Variants in TTN observed in about 807,000 individuals in gnomAD.
TTN encodes titin.
TTN carries 1,525 observed loss-of-function variants against 3,223.0 expected under a neutral mutation model. The observed-to-expected ratio is 0.47, with a 90% CI of 0.45 to 0.49. The LOEUF (loss-of-function observed/expected upper bound fraction) is 0.49, where lower values mean the gene tolerates loss of function less well. TTN is among the 20% of genes least tolerant of loss of function. The probability of loss-of-function intolerance (pLI) is 0.00; values close to 1 mark genes in which losing one functional copy is unlikely to be tolerated. For synonymous variants in TTN, 14,094 were observed against 15,161.0 expected (o/e 0.93, Z 5.17); for missense variants, 40,786 against 43,424.0 (o/e 0.94, Z 5.40).
chr2:178,715,352 A>C, intron 89 of TTN, 88 bp from the exon 90 acceptor site: 1 of 1,505,750 alleles, frequency 6.6e-7, no homozygotes, highest in Non-Finnish European at 8.9e-7. Flanking sequence ...TCAGAGAGAT[A>C]GAGAGTGAAA....
chr2:178,639,835 T>G, intron 222 of TTN, 47 bp from the exon 223 acceptor site: 1 of 1,525,334 alleles, frequency 6.6e-7, no homozygotes, highest in Non-Finnish European at 8.8e-7. Flanking sequence ...TGTCACTTCC[T>G]AAAAACTTAT....
At chr2:178,622,849 G>A in intron 242 of TTN, 82 bp from the exon 243 acceptor site, 1 of 1,094,298 alleles carries the variant, frequency 9.1e-7, no homozygotes, top group Non-Finnish European at 1.3e-6. Flanking sequence ...TTAAGAAAAA[G>A]TGACTCTTTT....
rs1394331445 is a variant in TTN, at chr2:178,620,366, G to T, written c.46155C>A (p.Leu15385=). 6.2e-7 allele frequency: 1 copy of T among 1,610,202 alleles called. No homozygotes were observed. The highest frequency in any genetic ancestry group is 1.3e-5 in the African/African-American group (1 of 74,822). The change falls in exon 248 of 363, where the codon CTC becomes CTA. Residue 15385 remains leucine, a synonymous_variant. Transcript: ENST00000589042. The stretch of plus-strand genomic sequence containing the variant: ...CAAATTCTGTCGGGGCTTCTATGAT[G>T]AGAAGCTCAGCAACAGATTTATCTT... The part of the protein sequence containing the change: ...AGQDKSVAEL[L]IIEAPTEFVE...
At position 178,703,120 on chromosome 2, in the gene TTN, C is replaced by T. The variant is rs970650538; in HGVS notation, c.30224-457G>A. On this transcript the variant is annotated intron_variant, in intron 106 of 362. Coordinates refer to ENST00000589042, the MANE Select transcript of TTN (RefSeq NM_001267550.2). ...ACTTTTCCTGTAAAATAATTTCAAACGCAATCGGAAATCTGCACTTCTAAA... is the reference window on the plus strand; with the variant it reads ...ACTTTTCCTGTAAAATAATTTCAAATGCAATCGGAAATCTGCACTTCTAAA... 4.6e-5 allele frequency among the ~76,000 whole-genome samples: 7 copies of T among 152,170 alleles called. No individual in the cohort carries two copies. The Middle Eastern group carries it at 0.01, about 222-fold the overall frequency.
In TTN at chr2:178,588,883, G is replaced by A; in HGVS notation, c.62842C>T (p.Pro20948Ser). ...VRAENKIGTG[P>S]PTESKPVIAK... is the part of the protein sequence containing the mutation. ...ATGACTGGTTTACTTTCTGTTGGAG[G>A]CCCTGTGCCTATTTTATTTTCTGCA... is the stretch of plus-strand genomic sequence containing the variant. The change falls in exon 304 of 363, where the codon CCT becomes TCT. Residue 20948 changes from proline to serine, a missense_variant. Physicochemically the swap from Pro to Ser is moderately conservative, Grantham distance 74 (BLOSUM62 -1). Coordinates refer to ENST00000589042, the MANE Select transcript of TTN (RefSeq NM_001267550.2). 1 of 1,613,132 alleles carries A rather than the reference G, an allele frequency of 6.2e-7. No homozygotes were observed. Among genetic ancestry groups the A allele is most frequent in the South Asian group, 1.1e-5 (1 of 91,064 alleles).
In TTN at chr2:178,553,104, G is replaced by A. The variant is rs376478710; in HGVS notation, c.89796C>T (p.Asp29932=). The A allele has an allele frequency of 1.4e-5, 22 of 1,611,722 alleles. No individual in the cohort carries two copies. Among genetic ancestry groups the A allele is most frequent in the African/African-American group, 1.1e-4 (8 of 74,982 alleles). Residue 29932 remains aspartate (D), a synonymous_variant, in exon 335 of 363, where the codon GAC becomes GAT. Coordinates refer to ENST00000589042, the MANE Select transcript of TTN (RefSeq NM_001267550.2). ...GTAGTTTCTGGCAGGCAGCTGGTGTGTCAAGCACTTTAACACTCACAGTTG... is the reference window on the plus strand; with the variant it reads ...GTAGTTTCTGGCAGGCAGCTGGTGTATCAAGCACTTTAACACTCACAGTTG... ...KSSTVSVKVL[D]TPAACQKLQV... is the part of the protein sequence containing the mutation.
In TTN at chr2:178,538,419, TTTTC is replaced by T; in HGVS notation, c.99289+117_99289+120del. 3.1e-6 allele frequency: 3 copies of T among 977,002 alleles called. No homozygotes were observed. The South Asian group carries it at 5.9e-5, about 19-fold the overall frequency. The allele number at this position is 977,002 out of a possible 1,614,324, so 60.5% of individuals were successfully genotyped here. On this transcript the variant is annotated intron_variant, in intron 354 of 362. Transcript: ENST00000589042. ...TCATATTTCCTGTGTGTGTACTTGC[TTTTC>T]TTTCTTAACACTTGCTCTCCAATAA... is the stretch of plus-strand genomic sequence containing the variant.
rs879085292 is a variant in TTN, at chr2:178,738,132, G to A, written c.14321C>T (p.Ala4774Val). 3.7e-6 allele frequency: 6 copies of A among 1,613,846 alleles called. No homozygotes were observed. Among genetic ancestry groups the A allele is most frequent in the Non-Finnish European group, 5.1e-6 (6 of 1,179,784 alleles). The part of the protein sequence containing the change: ...VVDCGEYTCK[A>V]SNEYGSVSCT... ...GCTGACACTGCCATACTCATTGGAA[G>A]CTTTGCATGTATACTCGCCGCAGTC... Residue 4774 changes from alanine to valine, a missense_variant, in exon 49 of 363, where the codon GCT (alanine) becomes GTT (valine). Ala to Val is a moderately conservative substitution (Grantham distance 64). Coordinates refer to ENST00000589042, the MANE Select transcript of TTN (RefSeq NM_001267550.2).
rs757931902 is a variant in TTN at position 178,557,642 on chromosome 2, A to G, written c.87706+6T>C. 2 of 1,613,434 alleles carry G rather than the reference A, an allele frequency of 1.2e-6. No individual in the cohort carries two copies. Among genetic ancestry groups the G allele is most frequent in the South Asian group, 1.1e-5 (1 of 90,944 alleles). On this transcript the variant is annotated splice_donor_region_variant and intron_variant, in intron 328 of 362. Transcript: ENST00000589042. ...ACCTGGATCTTTGAAAAGTTGGACA[A>G]CTTACTGTATGGTAGTTTGACAGTC...
In TTN at chr2:178,571,250, G is replaced by A; in HGVS notation, c.74882C>T (p.Thr24961Ile). Reference sequence around the variant, plus strand: ...CTTAAACTTGGTTTGAGGAATAGGTGTTTTATTCAACTTAACCCAGAGGAT... The same window carrying A: ...CTTAAACTTGGTTTGAGGAATAGGTATTTTATTCAACTTAACCCAGAGGAT... The part of the protein sequence containing the change: ...NSILWVKLNK[T>I]PIPQTKFKTT... The change falls in exon 326 of 363, where the codon ACA (threonine) becomes ATA (isoleucine). Residue 24961 changes from threonine to isoleucine, a missense_variant. Coordinates refer to ENST00000589042, the MANE Select transcript of TTN (RefSeq NM_001267550.2). 6.2e-7 allele frequency: 1 copy of A among 1,613,526 alleles called. No individual in the cohort carries two copies. Among genetic ancestry groups the A allele is most frequent in the Non-Finnish European group, 8.5e-7 (1 of 1,179,632 alleles).
chr2:178,710,683 C>A lies in TTN; in HGVS notation c.28414G>T (p.Val9472Leu). The change falls in exon 98 of 363, where the codon GTG (valine) becomes TTG (leucine). Residue 9472 changes from valine to leucine, a missense_variant. Val to Leu is a conservative substitution (Grantham distance 32). Transcript: ENST00000589042. ...CAAGAGTCTTTTCCCACTTCATTCACAGCATAGCAGGTATATTGTCCAGAA... is the reference window on the plus strand; with the variant it reads ...CAAGAGTCTTTTCCCACTTCATTCAAAGCATAGCAGGTATATTGTCCAGAA... ...GDSGQYTCYA[V>L]NEVGKDSCTA... 6.2e-6 allele frequency: 10 copies of A among 1,613,276 alleles called. No individual in the cohort carries two copies. The highest frequency in any genetic ancestry group is 8.5e-6 in the Non-Finnish European group (10 of 1,179,786).
rs140494897 is a variant in TTN, at chr2:178,776,864, T to C, written c.5000A>G (p.Tyr1667Cys). Residue 1667 changes from tyrosine to cysteine, a missense_variant, in exon 28 of 363, where the codon TAT becomes TGT. By Grantham distance (194) the Tyr-to-Cys change is radical. Coordinates refer to ENST00000589042, the MANE Select transcript of TTN (RefSeq NM_001267550.2). The part of the protein sequence containing the change: ...ERKLIIPRGT[Y>C]RAKEIAAPEL... ...TGGGGCTGCAATCTCCTTTGCTCTA[T>C]ATGTCCCCCGTGGGATGATTAACTT... The C allele has an allele frequency of 3.7e-6, 6 of 1,613,648 alleles. No homozygotes were observed. Among genetic ancestry groups the C allele is most frequent in the Non-Finnish European group, 5.1e-6 (6 of 1,179,954 alleles).
At position 178,684,978 on chromosome 2, in the gene TTN, G is replaced by A. The variant is rs746685110; in HGVS notation, c.32482C>T (p.Pro10828Ser). The A allele has an allele frequency of 1.9e-5, 30 of 1,603,280 alleles. No individual in the cohort carries two copies. The highest frequency in any genetic ancestry group is 1.6e-4 in the Middle Eastern group (1 of 6,068). Reference protein sequence around the residue: ...EPPPAKVPEAPKKIVPEKKVP... With the variant: ...EPPPAKVPEASKKIVPEKKVP... ...TTCTTTTCTGGCACAATTTTCTTAG[G>A]TGCTTCAGGAACTTTAGAAAGATTA... The change falls in exon 130 of 363, where the codon CCT (proline) becomes TCT (serine). Residue 10828 changes from proline to serine, a missense_variant. Pro to Ser is a moderately conservative substitution (Grantham distance 74). Coordinates refer to ENST00000589042, the MANE Select transcript of TTN (RefSeq NM_001267550.2).
chr2:178,779,538 C>A, intron 22 of TTN, 76 bp from the exon 23 acceptor site: 1 of 1,022,202 alleles, frequency 9.8e-7, no homozygotes, highest in South Asian at 1.5e-5. Context: ...TGTATCTGAG[C>A]TAGACTGTTG....
rs561466528 is a variant in TTN, at chr2:178,626,226, A to G, written c.44425-830T>C. Among the ~76,000 whole-genome samples, 11 of 152,088 alleles carry G rather than the reference A, an allele frequency of 7.2e-5. No homozygotes were observed. In the South Asian group the frequency reaches 1.9e-3, roughly 26 times the overall value. The stretch of plus-strand genomic sequence containing the variant: ...TTTAGCAATTAAACTTATTTTGCAA[A>G]CCAATTAAACCTGTGATTAAATAAT... On this transcript the variant is annotated intron_variant, in intron 240 of 362. Transcript: ENST00000589042.
intron 242 of TTN, among the ~76,000 whole-genome samples, chr2:178,623,799 A>C (rs979660544): frequency 6.6e-5 from 10 of 151,972 alleles, no homozygotes; most frequent in Non-Finnish European, 1.2e-4. Context: ...GAATGAAACA[A>C]ATAAGCTAGT....
intron 47 of TTN, chr2:178,749,030 T>C: frequency 6.2e-7 from 1 of 1,612,706 alleles, no homozygotes; most frequent in Non-Finnish European, 8.5e-7. Flanking sequence ...AATTCTATGC[T>C]TCACCTTTTT....
At position 178,563,049 on chromosome 2, in the gene TTN, A is replaced by T; in HGVS notation, c.83083T>A (p.Leu27695Ile). ...GGTCGACCTTTGATAGTGACAAATA[A>T]GCGTAAAGTAGCACTTGCACGCAGA... ...VVLRASATLR[L>I]FVTIKGRPEP... Residue 27695 changes from leucine to isoleucine, a missense_variant, in exon 326 of 363, where the codon TTA becomes ATA. By Grantham distance (5) the Leu-to-Ile change is conservative (BLOSUM62 2). Transcript: ENST00000589042. This position sits in a 1 kb window ranked among gnomAD's most constrained non-coding sequence, Gnocchi z 4.5. 6.2e-7 allele frequency: 1 copy of T among 1,613,672 alleles called. No homozygotes were observed. The highest frequency in any genetic ancestry group is 8.5e-7 in the Non-Finnish European group (1 of 1,179,696).
chr2:178,778,791 T>C, intron 24 of TTN, 83 bp downstream of exon 24: 1 of 1,588,918 alleles, frequency 6.3e-7, no homozygotes, highest in Non-Finnish European at 8.6e-7. Flanking sequence ...TCGATTTTCT[T>C]CTTACACAAT....
Sources: gnomAD v4.1 joint callset for allele counts (sites outside exome capture counted in the v4.1 genomes callset) on GRCh38, gnomAD v4.1.1 for gene constraint, Gnocchi (gnomAD v3.1) non-coding constraint, MANE v1.5 for transcripts, NCBI Gene and HGNC (gene_info 2026-07-23, HGNC 2026-07-21) for gene names.